The following AFG2A variants were observed in gnomAD, a reference collection of about 807,000 sequenced individuals.
The protein encoded by AFG2A is ATPase family gene 2 protein homolog A.
chr4:123,018,788 C>T, the AFG2A span, among the ~76,000 whole-genome samples: 1 of 151,452 alleles, frequency 6.6e-6, no homozygotes, highest in Non-Finnish European at 1.5e-5. Context: ...CATGCACCAC[C>T]ACGCCCAGCT....
the AFG2A span, among the ~76,000 whole-genome samples, chr4:123,104,701 A>G: frequency 6.6e-6 from 1 of 152,338 alleles, no homozygotes; most frequent in South Asian, 2.1e-4. Flanking sequence ...ATATGGAGAA[A>G]GTTTTAGTGA....
At chr4:123,107,607 G>A in the AFG2A span, among the ~76,000 whole-genome samples, 17 of 152,188 alleles carry the variant, frequency 1.1e-4, no homozygotes, top group Non-Finnish European at 2.4e-4. Context: ...TCTTGAAGGT[G>A]GGGTTTCACC....
chr4:123,225,233 T>A, the AFG2A span, among the ~76,000 whole-genome samples: 1 of 152,268 alleles, frequency 6.6e-6, no homozygotes, highest in Admixed American at 6.5e-5. Flanking sequence ...TATTTGTCAA[T>A]TTTGGCTTTT....
At chr4:123,194,449 GA>G in the AFG2A span, among the ~76,000 whole-genome samples, 50 of 152,208 alleles carry the variant, frequency 3.3e-4, no homozygotes, top group African/African-American at 1.2e-3. Flanking sequence ...TTGGACTAGA[GA>G]AAAAAACTCA....
chr4:123,227,047 G>A, the AFG2A span, among the ~76,000 whole-genome samples: 14 of 152,084 alleles, frequency 9.2e-5, no homozygotes, highest in East Asian at 9.6e-4. Flanking sequence ...CTGTGGGATC[G>A]GTGGTGATAT....
the AFG2A span, among the ~76,000 whole-genome samples, chr4:122,933,862 A>G: frequency 6.6e-6 from 1 of 152,138 alleles, no homozygotes; most frequent in Non-Finnish European, 1.5e-5. Flanking sequence ...TGTTGATGTG[A>G]TTGATAGAAT....
At chr4:123,281,170 G>C in the AFG2A span, among the ~76,000 whole-genome samples, 1 of 151,856 alleles carries the variant, frequency 6.6e-6, no homozygotes, top group Admixed American at 6.6e-5. Flanking sequence ...GCAAATTTTT[G>C]AACTATTTTG....
At chr4:123,084,154 C>T in the AFG2A span, among the ~76,000 whole-genome samples, 1 of 151,702 alleles carries the variant, frequency 6.6e-6, no homozygotes, top group African/African-American at 2.4e-5. Flanking sequence ...AGTGATGTGT[C>T]CTCTGTCATA....
At chr4:123,162,066 A>C in the AFG2A span, among the ~76,000 whole-genome samples, 5 of 152,264 alleles carry the variant, frequency 3.3e-5, no homozygotes, top group East Asian at 9.7e-4. Context: ...AGGCAGCTTC[A>C]GTTATTCAAA....
At chr4:123,249,837 T>G in the AFG2A span, among the ~76,000 whole-genome samples, 2 of 152,132 alleles carry the variant, frequency 1.3e-5, no homozygotes, top group African/African-American at 4.8e-5. Context: ...GTTAGCCAGG[T>G]CTATGCATTA....
the AFG2A span, among the ~76,000 whole-genome samples, chr4:123,251,705 C>G: frequency 6.6e-5 from 10 of 151,656 alleles, no homozygotes; most frequent in Non-Finnish European, 1.2e-4. Flanking sequence ...TCTTTATTTC[C>G]TAAGTCCTGT....
At chr4:123,078,240 C>G in the AFG2A span, among the ~76,000 whole-genome samples, 1 of 152,048 alleles carries the variant, frequency 6.6e-6, no homozygotes, top group East Asian at 1.9e-4. Context: ...TTTGTTAAAC[C>G]ACCAAAAAGT....
At chr4:123,020,435 C>G in the AFG2A span, among the ~76,000 whole-genome samples, 1 of 150,546 alleles carries the variant, frequency 6.6e-6, no homozygotes, top group Non-Finnish European at 1.5e-5. Context: ...ATGGCGCGAT[C>G]TCGGCTCAGT....
At chr4:123,122,664 T>C in the AFG2A span, among the ~76,000 whole-genome samples, 1 of 152,170 alleles carries the variant, frequency 6.6e-6, no homozygotes, top group African/African-American at 2.4e-5. Context: ...AAATTGACAG[T>C]GTATTGATAA....
the AFG2A span, among the ~76,000 whole-genome samples, chr4:122,949,254 C>G: frequency 6.6e-6 from 1 of 152,188 alleles, no homozygotes; most frequent in Non-Finnish European, 1.5e-5. Flanking sequence ...CTGCTGTCAT[C>G]CACTCTAGCC....
At chr4:123,099,135 A>G in the AFG2A span, among the ~76,000 whole-genome samples, 1 of 151,902 alleles carries the variant, frequency 6.6e-6, no homozygotes, top group Non-Finnish European at 1.5e-5. Flanking sequence ...CTTAAAAAAT[A>G]TACCTGTTGG....
At chr4:123,293,671 GC>G in the AFG2A span, among the ~76,000 whole-genome samples, 1 of 152,182 alleles carries the variant, frequency 6.6e-6, no homozygotes, top group African/African-American at 2.4e-5. Flanking sequence ...CAGGCCTAGG[GC>G]AAGAGGGAAG....
At chr4:123,235,531 C>T in the AFG2A span, among the ~76,000 whole-genome samples, 1 of 152,178 alleles carries the variant, frequency 6.6e-6, no homozygotes, top group Non-Finnish European at 1.5e-5. Context: ...ACTTTCATGA[C>T]TCCAGAGAGT....
chr4:123,099,009 C>T, the AFG2A span, among the ~76,000 whole-genome samples: 2 of 151,998 alleles, frequency 1.3e-5, no homozygotes, highest in Non-Finnish European at 2.9e-5. Context: ...CTTTTCTCCA[C>T]ATCCTCACCA....
Sources: gnomAD v4.1 joint callset for allele counts (sites outside exome capture counted in the v4.1 genomes callset) on GRCh38, gnomAD v4.1.1 for gene constraint, MANE v1.5 for transcripts, NCBI Gene and HGNC (gene_info 2026-07-23, HGNC 2026-07-21) for gene names.